The following RASA3 variants were observed in gnomAD, a reference collection of about 807,000 sequenced individuals.
RASA3 encodes the protein RAS p21 protein activator 3, also known as ras GTPase-activating protein 3.
In RASA3, 73 loss-of-function variants were observed where a neutral mutation model predicts 110.0. The observed-to-expected ratio is 0.66, with a 90% CI of 0.55 to 0.81. The LOEUF is 0.81. RASA3 is among the 30% of genes least tolerant of loss of function. The pLI, the probability that RASA3 is intolerant of heterozygous loss-of-function variation, is 0.00. For missense variants in RASA3, 976 were observed against 1,113.2 expected, an observed-to-expected ratio of 0.88 and a Z score of 1.75; for synonymous variants, 500 against 451.4, an observed-to-expected ratio of 1.11 and a Z score of -1.37.
At chr13:114,069,187 G>A (rs1451486976) in intron 2 of RASA3, among the ~76,000 whole-genome samples, 7 of 152,048 alleles carry the variant, frequency 4.6e-5, no homozygotes, top group Admixed American at 2.6e-4. Context: ...TCCATTTGCA[G>A]CTTCCTGCTA....
chr13:114,020,734 CACA>C (rs1197414896), intron 9 of RASA3, among the ~76,000 whole-genome samples: 4 of 152,254 alleles, frequency 2.6e-5, no homozygotes, highest in Non-Finnish European at 5.9e-5. Flanking sequence ...GGCAGCAACA[CACA>C]ACATGTCCTG....
rs2052833902 is a variant in RASA3, at chr13:113,978,670, G to A, written c.*677C>T. ...CACCTTTCCCTCCAAGGGACTCTGT[G>A]GACAGAACCCGTATCCCCCAAGCAC... On this transcript the variant is annotated 3_prime_UTR_variant, in exon 24 of 24. Coordinates refer to ENST00000334062, the MANE Select transcript of RASA3 (RefSeq NM_007368.4). 1 of 152,310 alleles carries A rather than the reference G, an allele frequency of 6.6e-6. No individual in the cohort carries two copies. The highest frequency in any genetic ancestry group is 2.4e-5 in the African/African-American group (1 of 41,438). 9.4% of individuals were successfully genotyped at this position (152,310 alleles called of 1,614,324 possible). A position where few individuals can be genotyped will look rare whatever the true frequency, so the allele number is the denominator to read the frequency against.
intron 1 of RASA3, among the ~76,000 whole-genome samples, chr13:114,113,666 C>T (rs1197631418): frequency 8.0e-6 from 1 of 125,500 alleles, no homozygotes; most frequent in Non-Finnish European, 1.7e-5. Context: ...AGTCCACCCA[C>T]CATGGCGAGT....
At chr13:114,025,994 G>A (rs3818623) in intron 7 of RASA3, among the ~76,000 whole-genome samples, 48,298 of 151,980 alleles carry the variant, frequency 0.32, 7,764 homozygotes, top group East Asian at 0.41. Context: ...GGCCCCGCGC[G>A]TCCCACACAG....
chr13:114,049,930 G>A (rs561484276), intron 3 of RASA3, among the ~76,000 whole-genome samples: 9 of 152,342 alleles, frequency 5.9e-5, no homozygotes, highest in Admixed American at 4.6e-4. Flanking sequence ...CCCATGCCGC[G>A]GGGTCGGAGG....
chr13:114,104,646 G>A lies in RASA3; in HGVS notation c.55+27789C>T, dbSNP rs576489688. Among the ~76,000 whole-genome samples, 9 of 152,276 alleles carry A rather than the reference G, an allele frequency of 5.9e-5. 1 individual carries two copies. The highest frequency in any genetic ancestry group is 1.9e-4 in the African/African-American group (8 of 41,552). ...AGAACCACAGCCAAAAGCCTGAACC[G>A]CACAAGATTTGGCGTCTCAATGGCA... On this transcript the variant is annotated intron_variant, in intron 1 of 23. Transcript: ENST00000334062.
intron 17 of RASA3, 87 bp downstream of exon 17, chr13:114,009,300 G>A (rs1480183012): frequency 2.8e-6 from 3 of 1,087,020 alleles, no homozygotes; most frequent in East Asian, 4.7e-5. Flanking sequence ...CCAAGTCTGT[G>A]TCATGTGGGT....
intron 1 of RASA3, among the ~76,000 whole-genome samples, chr13:114,106,627 C>T (rs1284335240): frequency 2.0e-5 from 3 of 152,214 alleles, no homozygotes; most frequent in African/African-American, 2.4e-5. Context: ...ACTTAGAACA[C>T]GCTTCCCGCT....
intron 16 of RASA3, among the ~76,000 whole-genome samples, chr13:114,010,875 T>C (rs1189832766): frequency 8.6e-6 from 1 of 116,880 alleles, no homozygotes; most frequent in Non-Finnish European, 1.8e-5. Flanking sequence ...TTAGGCCATC[T>C]GCCTGGCCTG....
intron 2 of RASA3, among the ~76,000 whole-genome samples, chr13:114,055,969 A>G (rs2079238301): frequency 6.6e-6 from 1 of 152,238 alleles, no homozygotes; most frequent in Non-Finnish European, 1.5e-5. Flanking sequence ...GCTGCCAGAG[A>G]ATGGAACGGA....
intron 2 of RASA3, among the ~76,000 whole-genome samples, chr13:114,072,942 G>A (rs1339721878): frequency 1.5e-5 from 2 of 129,746 alleles, no homozygotes; most frequent in Non-Finnish European, 3.1e-5. Context: ...CTCTACACAT[G>A]GGAAAATGGG....
At chr13:114,082,558 A>G (rs1391224601) in intron 1 of RASA3, among the ~76,000 whole-genome samples, 5 of 152,218 alleles carry the variant, frequency 3.3e-5, no homozygotes, top group Non-Finnish European at 5.9e-5. Context: ...AACAAAGGGA[A>G]CTGGGTCTTT....
At chr13:114,007,682 G>T in intron 17 of RASA3, 76 bp from the exon 18 acceptor site, 1 of 1,246,124 alleles carries the variant, frequency 8.0e-7, no homozygotes. Context: ...TAACAACAGC[G>T]TCGGCGGCTA....
chr13:114,050,083 A>T (rs1354069730), intron 3 of RASA3, among the ~76,000 whole-genome samples: 2 of 152,230 alleles, frequency 1.3e-5, no homozygotes, highest in Admixed American at 6.5e-5. Flanking sequence ...CCTGGAGCCG[A>T]TGCCCTGGTC....
In RASA3 at chr13:114,127,784, TGAG is replaced by T. The variant is rs199686169; in HGVS notation, c.55+4648_55+4650del. 3.7e-3 allele frequency among the ~76,000 whole-genome samples: 556 copies of T among 152,244 alleles called. 3 individuals carry two copies. The highest frequency in any genetic ancestry group is 0.013 in the African/African-American group (530 of 41,538). ...AAAATTAATGGACAATACTAAGTGG[TGAG>T]GAGAAGAACTCGGATCCCAGGAGCC... On this transcript the variant is annotated intron_variant, in intron 1 of 23. Transcript: ENST00000334062.
chr13:114,052,224 C>A, intron 2 of RASA3, 69 bp from the exon 3 acceptor site: 2 of 1,046,384 alleles, frequency 1.9e-6, no homozygotes, highest in Admixed American at 1.9e-5. Flanking sequence ...GGGGCACACA[C>A]GTGTGGTCTT....
chr13:114,093,105 T>A (rs1208892406), intron 1 of RASA3, among the ~76,000 whole-genome samples: 1 of 152,262 alleles, frequency 6.6e-6, no homozygotes, highest in African/African-American at 2.4e-5. Flanking sequence ...GTGGTTATTA[T>A]TTTATTAATT....
At chr13:113,993,638 T>A (rs1393973951) in intron 21 of RASA3, among the ~76,000 whole-genome samples, 3 of 150,318 alleles carry the variant, frequency 2.0e-5, no homozygotes, top group Non-Finnish European at 4.4e-5. Flanking sequence ...TGAGACCCTG[T>A]CTCTATTAAA....
intron 1 of RASA3, 140 bp from the exon 2 acceptor site, chr13:114,073,977 A>G: frequency 1.3e-6 from 1 of 750,696 alleles, no homozygotes; most frequent in South Asian, 1.6e-5. Flanking sequence ...ACCACAAGTC[A>G]AAATGTGGAT....
Sources: gnomAD v4.1 joint callset for allele counts (sites outside exome capture counted in the v4.1 genomes callset) on GRCh38, gnomAD v4.1.1 for gene constraint, MANE v1.5 for transcripts, NCBI Gene and HGNC (gene_info 2026-07-23, HGNC 2026-07-21) for gene names.